The following ANKFN1 variants were observed in gnomAD, a reference collection of about 807,000 sequenced individuals.
ANKFN1 encodes the protein ankyrin repeat and fibronectin type III domain containing 1.
Under a neutral mutation model 108.7 loss-of-function variants are expected in ANKFN1, and 74 were observed. The ratio of observed to expected loss-of-function variants is 0.68; its 90% confidence interval spans 0.56 to 0.83. The LOEUF is 0.83. ANKFN1 is among the 40% of genes least tolerant of loss of function. ANKFN1 has a pLI of 0.00. For synonymous variants in ANKFN1, 547 were observed against 516.2 expected, an observed-to-expected ratio of 1.06 and a Z score of -0.81; for missense variants, 1,505 against 1,382.3, an observed-to-expected ratio of 1.09 and a Z score of -1.41.
At chr17:56,193,013 A>C (rs112729891) in intron 1 of ANKFN1, among the ~76,000 whole-genome samples, 66 of 134,304 alleles carry the variant, frequency 4.9e-4, no homozygotes, top group Middle Eastern at 3.7e-3. Flanking sequence ...AAATGTCCAA[A>C]AATGATAGAC....
At chr17:56,253,955 T>A (rs1033741116) in intron 3 of ANKFN1, among the ~76,000 whole-genome samples, 3 of 152,162 alleles carry the variant, frequency 2.0e-5, no homozygotes, top group Admixed American at 6.5e-5. Flanking sequence ...CTATTTATTA[T>A]CTCTTTAAAC....
intron 4 of ANKFN1, among the ~76,000 whole-genome samples, chr17:56,051,888 A>T (rs1217910443): frequency 2.0e-5 from 3 of 150,686 alleles, no homozygotes; most frequent in Non-Finnish European, 4.4e-5. Flanking sequence ...CTTCAAGGAG[A>T]ACTACAAACC....
intron 14 of ANKFN1, among the ~76,000 whole-genome samples, chr17:56,459,867 G>T (rs547591404): frequency 2.8e-4 from 43 of 152,160 alleles, no homozygotes; most frequent in African/African-American, 1.0e-3. Flanking sequence ...CAAATCTATA[G>T]ACCTCACCAC....
At position 56,227,724 on chromosome 17, in the gene ANKFN1, G is replaced by A. The variant is rs73991455; in HGVS notation, c.13-193G>A. Among the ~76,000 whole-genome samples the A allele has an allele frequency of 2.8e-3, 420 of 152,152 alleles. 1 individual carries two copies. Among genetic ancestry groups the A allele is most frequent in the African/African-American group, 9.2e-3 (384 of 41,544 alleles). ...TGTGATGAGATACAGCAGCTAGCATGAATGTTTTTTCTTTCTGGGCTACAG... is the reference window on the plus strand; with the variant it reads ...TGTGATGAGATACAGCAGCTAGCATAAATGTTTTTTCTTTCTGGGCTACAG... On this transcript the variant is annotated intron_variant, in intron 2 of 20. Transcript: ENST00000682825.
chr17:56,193,576 G>GT (rs1222825886), intron 1 of ANKFN1, among the ~76,000 whole-genome samples: 102 of 147,326 alleles, frequency 6.9e-4, no homozygotes, highest in African/African-American at 2.3e-3. Flanking sequence ...TATTTGTAGC[G>GT]TTTTAAAAAA....
At chr17:56,061,269 T>C (rs545513938) in intron 4 of ANKFN1, among the ~76,000 whole-genome samples, 1 of 127,060 alleles carries the variant, frequency 7.9e-6, no homozygotes, top group East Asian at 2.1e-4. Flanking sequence ...GTTTTTCTTT[T>C]TTTTTTTTTT....
intron 8 of ANKFN1, among the ~76,000 whole-genome samples, chr17:56,430,730 G>T (rs1281386878): frequency 6.6e-6 from 1 of 152,204 alleles, no homozygotes; most frequent in Non-Finnish European, 1.5e-5. Context: ...TATGGCATAT[G>T]CTAGCTGCTG....
intron 4 of ANKFN1, among the ~76,000 whole-genome samples, chr17:56,114,820 G>A (rs1477570498): frequency 6.6e-6 from 1 of 152,312 alleles, no homozygotes; most frequent in East Asian, 1.9e-4. Context: ...GAAAGAGGGA[G>A]GCAGATGAAT....
chr17:56,125,369 C>A (rs1311542526), intron 4 of ANKFN1, among the ~76,000 whole-genome samples: 1 of 152,028 alleles, frequency 6.6e-6, no homozygotes, highest in Non-Finnish European at 1.5e-5. Context: ...AATGAAGGAA[C>A]AAAAACCAAA....
chr17:56,331,430 A>G (rs1043879996), intron 4 of ANKFN1, among the ~76,000 whole-genome samples: 1 of 152,176 alleles, frequency 6.6e-6, no homozygotes, highest in African/African-American at 2.4e-5. Flanking sequence ...ACTGGCTCAG[A>G]CCTTTTGTCA....
chr17:56,286,964 T>G lies in ANKFN1; in HGVS notation c.54-39257T>G, dbSNP rs72833833. ...TCACCATTCTTGTTACCCTCTTCTA[T>G]CAAAATTTTCCTAGGATGAGTTCCC... On this transcript the variant is annotated intron_variant, in intron 3 of 20. Coordinates refer to ENST00000682825, the MANE Select transcript of ANKFN1 (RefSeq NM_001370326.1). 3.5e-3 allele frequency among the ~76,000 whole-genome samples: 539 copies of G among 152,236 alleles called. 4 individuals are homozygous for G. Among genetic ancestry groups the G allele is most frequent in the Non-Finnish European group, 6.5e-3 (445 of 67,994 alleles).
At chr17:56,368,457 T>C (rs948781217) in intron 6 of ANKFN1, among the ~76,000 whole-genome samples, 5 of 151,480 alleles carry the variant, frequency 3.3e-5, no homozygotes, top group Non-Finnish European at 7.4e-5. Flanking sequence ...TTTTTGTATT[T>C]TTAGTAGAGA....
At position 56,470,079 on chromosome 17, in the gene ANKFN1, G is replaced by C. The variant is rs116771545; in HGVS notation, c.1773+3508G>C. Among the ~76,000 whole-genome samples the C allele has an allele frequency of 4.2e-3, 643 of 152,254 alleles. 5 individuals are homozygous for C. Among genetic ancestry groups the C allele is most frequent in the African/African-American group, 0.014 (602 of 41,542 alleles). ...CTGCATTAGTTTGCTGAGGATAGTA[G>C]CTTCCAGCTCCATCCATGTCCCCGC... On this transcript the variant is annotated intron_variant, in intron 15 of 20. Coordinates refer to ENST00000682825, the MANE Select transcript of ANKFN1 (RefSeq NM_001370326.1).
intron 6 of ANKFN1, among the ~76,000 whole-genome samples, 153 bp from the exon 7 acceptor site, chr17:56,372,493 A>G (rs1209106548): frequency 6.6e-6 from 1 of 152,098 alleles, no homozygotes; most frequent in East Asian, 1.9e-4. Context: ...AGACCTTATC[A>G]TAGTAAGATA....
At chr17:56,104,780 G>A (rs1212197620) in intron 4 of ANKFN1, among the ~76,000 whole-genome samples, 1 of 152,212 alleles carries the variant, frequency 6.6e-6, no homozygotes, top group Non-Finnish European at 1.5e-5. Flanking sequence ...AAGAGAAGAG[G>A]TGACAGAAGG....
chr17:56,216,648 G>C (rs972029168), intron 2 of ANKFN1, among the ~76,000 whole-genome samples: 22 of 152,200 alleles, frequency 1.4e-4, no homozygotes, highest in African/African-American at 5.1e-4. Flanking sequence ...GATGTGCTCT[G>C]CTAGAAAAAG....
At chr17:56,361,745 C>T (rs2046523997) in intron 6 of ANKFN1, among the ~76,000 whole-genome samples, 1 of 151,978 alleles carries the variant, frequency 6.6e-6, no homozygotes, top group African/African-American at 2.4e-5. Flanking sequence ...CATTTTAAGG[C>T]TTGATTGAGC....
chr17:56,369,339 A>G (rs2046749149), intron 6 of ANKFN1, among the ~76,000 whole-genome samples: 1 of 152,208 alleles, frequency 6.6e-6, no homozygotes, highest in Non-Finnish European at 1.5e-5. Flanking sequence ...TGATTTCACC[A>G]TATAAATGTG....
chr17:56,334,616 A>G (rs927818766), intron 4 of ANKFN1, among the ~76,000 whole-genome samples: 2 of 152,144 alleles, frequency 1.3e-5, no homozygotes, highest in Non-Finnish European at 2.9e-5. Context: ...TTTGGACAAT[A>G]CATGACTACT....
Sources: gnomAD v4.1 joint callset for allele counts (sites outside exome capture counted in the v4.1 genomes callset) on GRCh38, gnomAD v4.1.1 for gene constraint, MANE v1.5 for transcripts, NCBI Gene and HGNC (gene_info 2026-07-23, HGNC 2026-07-21) for gene names.